The following ZNF609 variants were observed in gnomAD, a reference collection of about 807,000 sequenced individuals.
ZNF609 encodes the protein zinc finger protein 609.
A neutral mutation model predicts 109.5 loss-of-function variants in ZNF609; 11 were observed. The ratio of observed to expected loss-of-function variants is 0.10; its 90% CI spans 0.06 to 0.17. ZNF609 has a LOEUF of 0.17. ZNF609 is among the 10% of genes least tolerant of loss of function. The pLI, the probability that ZNF609 is intolerant of heterozygous loss-of-function variation, is 1.00. For synonymous variants in ZNF609, 646 were observed against 662.0 expected (o/e 0.98, Z 0.37); for missense variants, 1,559 against 1,772.4 (o/e 0.88, Z 2.16).
chr15:64,483,931 T>A (rs1290392669), intron 1 of ZNF609, among the ~76,000 whole-genome samples: 1 of 152,142 alleles, frequency 6.6e-6, no homozygotes, highest in Non-Finnish European at 1.5e-5. Flanking sequence ...ATAGTAGAAT[T>A]GAGTTTTTCT....
chr15:64,530,143 T>C (rs948817997), intron 2 of ZNF609, among the ~76,000 whole-genome samples: 14 of 152,034 alleles, frequency 9.2e-5, no homozygotes, highest in African/African-American at 3.4e-4. Context: ...GCCTCCCGAC[T>C]AGCTGGGACT....
intron 2 of ZNF609, among the ~76,000 whole-genome samples, chr15:64,620,581 A>G (rs569175921): frequency 2.0e-5 from 3 of 152,242 alleles, no homozygotes; most frequent in Non-Finnish European, 2.9e-5. Flanking sequence ...ATAAATGTAG[A>G]TGATTCATTA....
chr15:64,624,760 A>AG (rs1895925607), intron 3 of ZNF609, among the ~76,000 whole-genome samples: 3 of 89,660 alleles, frequency 3.3e-5, no homozygotes, highest in African/African-American at 3.2e-5. Context: ...TGTTACGTAC[A>AG]CTTTTTTTTT....
At chr15:64,519,738 T>A (rs554828819) in intron 2 of ZNF609, among the ~76,000 whole-genome samples, 83 of 152,306 alleles carry the variant, frequency 5.4e-4, no homozygotes, top group African/African-American at 1.9e-3. Context: ...TTGACCTAAT[T>A]TTCAGTTATT....
chr15:64,613,437 A>C (rs1895747767), intron 2 of ZNF609, among the ~76,000 whole-genome samples: 2 of 152,334 alleles, frequency 1.3e-5, no homozygotes, highest in South Asian at 4.1e-4. Flanking sequence ...TGTGGGAAGG[A>C]GGCATTCAGA....
intron 2 of ZNF609, among the ~76,000 whole-genome samples, chr15:64,550,142 A>C (rs1223344680): frequency 2.0e-5 from 3 of 151,982 alleles, no homozygotes; most frequent in Non-Finnish European, 4.4e-5. Context: ...TTTTGTAGAA[A>C]TGGGGTCTCA....
At chr15:64,658,060 C>G (rs139307573) in intron 3 of ZNF609, among the ~76,000 whole-genome samples, 103 of 152,276 alleles carry the variant, frequency 6.8e-4, no homozygotes, top group South Asian at 4.4e-3. Flanking sequence ...CTTTCTGTCT[C>G]CCAGCATGAA....
chr15:64,631,623 C>G (rs1896080683), intron 3 of ZNF609: 2 of 362,904 alleles, frequency 5.5e-6, no homozygotes, highest in Non-Finnish European at 1.0e-5. Context: ...ATCTCCGCCT[C>G]CTGGGTTCAA....
At chr15:64,524,578 AG>A (rs1204341064) in intron 2 of ZNF609, among the ~76,000 whole-genome samples, 7 of 143,922 alleles carry the variant, frequency 4.9e-5, no homozygotes, top group Admixed American at 6.8e-5. Flanking sequence ...AAAAAAAAAA[AG>A]GGGGGGGCCT....
At chr15:64,526,370 A>G (rs1433343937) in intron 2 of ZNF609, among the ~76,000 whole-genome samples, 1 of 151,982 alleles carries the variant, frequency 6.6e-6, no homozygotes, top group African/African-American at 2.4e-5. Flanking sequence ...GATTTTCTAT[A>G]TATGAGATCA....
intron 2 of ZNF609, among the ~76,000 whole-genome samples, chr15:64,592,611 T>C (rs1281803279): frequency 6.7e-6 from 1 of 150,276 alleles, no homozygotes; most frequent in Non-Finnish European, 1.5e-5. Flanking sequence ...TGTTCAAGCA[T>C]TTAAAATTAT....
intron 1 of ZNF609, among the ~76,000 whole-genome samples, chr15:64,487,347 C>A (rs1893346819): frequency 6.6e-6 from 1 of 152,122 alleles, no homozygotes; most frequent in Non-Finnish European, 1.5e-5. Context: ...TATAGCAAGA[C>A]AATTCTCTTG....
At chr15:64,487,477 A>G (rs1397454395) in intron 1 of ZNF609, among the ~76,000 whole-genome samples, 1 of 152,314 alleles carries the variant, frequency 6.6e-6, no homozygotes, top group Middle Eastern at 3.4e-3. Flanking sequence ...TGTAACCACT[A>G]TCCAGTTCAA....
At chr15:64,638,336 G>C (rs926720978) in intron 3 of ZNF609, among the ~76,000 whole-genome samples, 1 of 151,376 alleles carries the variant, frequency 6.6e-6, no homozygotes, top group Non-Finnish European at 1.5e-5. Context: ...AGTAGTATAA[G>C]TCTTCCAGTT....
At chr15:64,596,434 G>A (rs552091089) in intron 2 of ZNF609, among the ~76,000 whole-genome samples, 7 of 152,116 alleles carry the variant, frequency 4.6e-5, no homozygotes, top group Admixed American at 1.3e-4. Flanking sequence ...GATTACAGGC[G>A]TGAGCCACCG....
chr15:64,559,173 A>G (rs2140401597), intron 2 of ZNF609, among the ~76,000 whole-genome samples: 1 of 152,308 alleles, frequency 6.6e-6, no homozygotes, highest in South Asian at 2.1e-4. Context: ...AATTTTTTAA[A>G]TTTTAGACCA....
intron 2 of ZNF609, among the ~76,000 whole-genome samples, chr15:64,595,082 G>T (rs987256219): frequency 6.6e-6 from 1 of 151,600 alleles, no homozygotes; most frequent in African/African-American, 2.4e-5. Context: ...AATTTGGGCC[G>T]GGCGCGGTGG....
intron 3 of ZNF609, among the ~76,000 whole-genome samples, chr15:64,664,361 G>A (rs547683642): frequency 6.6e-6 from 1 of 152,206 alleles, no homozygotes; most frequent in South Asian, 2.1e-4. Flanking sequence ...TTAATAATGG[G>A]TACTTAGATT....
At chr15:64,621,398 G>A (rs1022822874) in intron 2 of ZNF609, among the ~76,000 whole-genome samples, 3 of 151,232 alleles carry the variant, frequency 2.0e-5, no homozygotes, top group African/African-American at 7.3e-5. Flanking sequence ...CACCCAGACT[G>A]GAGTACAGTG....
Sources: allele counts gnomAD v4.1 joint callset (sites outside exome capture counted in the v4.1 genomes callset), GRCh38; gene constraint gnomAD v4.1.1; transcripts MANE v1.5; gene names NCBI Gene and HGNC (gene_info 2026-07-23, HGNC 2026-07-21).